CDK13: variants seen among roughly 807,000 people sequenced by gnomAD.
CDK13 encodes cyclin-dependent kinase 13.
Under a neutral mutation model 137.6 loss-of-function variants are expected in CDK13, and 40 were observed. The observed-to-expected ratio is 0.29, with a 90% confidence interval of 0.23 to 0.38. CDK13 has a LOEUF of 0.38. Among genes scored for constraint, CDK13 ranks in the 10% least tolerant of loss-of-function variants. The pLI, the probability that CDK13 is intolerant of heterozygous loss-of-function variation, is 1.00. For synonymous variants in CDK13, 869 were observed against 760.1 expected, an observed-to-expected ratio of 1.14 and a Z score of -2.36; for missense variants, 1,704 against 1,951.8, an observed-to-expected ratio of 0.87 and a Z score of 2.39.
At chr7:39,960,854 C>T (rs917759187) in intron 1 of CDK13, among the ~76,000 whole-genome samples, 8 of 151,932 alleles carry the variant, frequency 5.3e-5, no homozygotes, top group African/African-American at 7.3e-5. Context: ...GGATTACAGG[C>T]GTGAGCCACC....
At chr7:40,036,372 G>C (rs1785483360) in intron 5 of CDK13, among the ~76,000 whole-genome samples, 1 of 152,080 alleles carries the variant, frequency 6.6e-6, no homozygotes, top group Admixed American at 6.6e-5. Context: ...AGGAGTTTGA[G>C]ACCAGCCTGG....
intron 5 of CDK13, among the ~76,000 whole-genome samples, chr7:40,038,896 TGTTA>T (rs1444966818): frequency 3.3e-5 from 5 of 152,180 alleles, no homozygotes; most frequent in African/African-American, 9.6e-5. Context: ...GGTTTCTTCG[TGTTA>T]GTTAGTCTGG....
At position 40,063,242 on chromosome 7, in the gene CDK13, C is replaced by T. The variant is rs1419698167; in HGVS notation, c.2780+142C>T. 4 of 649,798 alleles carry T rather than the reference C, an allele frequency of 6.2e-6. No individual in the cohort carries two copies. In the Admixed American group the frequency reaches 8.6e-5, roughly 14 times the overall value. 40.3% of individuals were successfully genotyped at this position (649,798 alleles called of 1,614,324 possible). On this transcript the variant is annotated intron_variant, in intron 9 of 13. Coordinates refer to ENST00000181839, the MANE Select transcript of CDK13 (RefSeq NM_003718.5). ...TTATGACTGCTAAATGGAGGACAAA[C>T]TGAAATGTAGGCACTTTGATACTTG...
intron 11 of CDK13, among the ~76,000 whole-genome samples, chr7:40,079,342 C>T (rs1205804261): frequency 6.6e-6 from 1 of 152,110 alleles, no homozygotes; most frequent in East Asian, 1.9e-4. Context: ...TCGCTTGAAC[C>T]CGCGAGGCGG....
intron 7 of CDK13, among the ~76,000 whole-genome samples, chr7:40,059,682 T>G (rs1471402324): frequency 6.6e-6 from 1 of 152,210 alleles, no homozygotes; most frequent in Non-Finnish European, 1.5e-5. Flanking sequence ...AGAGGCAAAG[T>G]ATTGGAATCT....
intron 5 of CDK13, among the ~76,000 whole-genome samples, chr7:40,028,828 A>C (rs1234738108): frequency 2.0e-5 from 3 of 151,572 alleles, no homozygotes; most frequent in African/African-American, 7.3e-5. Flanking sequence ...AATATATATA[A>C]ATATATATAA....
chr7:39,972,091 A>G (rs1784012259), intron 1 of CDK13, among the ~76,000 whole-genome samples: 1 of 152,192 alleles, frequency 6.6e-6, no homozygotes, highest in Admixed American at 6.5e-5. Context: ...CTTCAAAAAT[A>G]CATATCAAGG....
intron 5 of CDK13, among the ~76,000 whole-genome samples, chr7:40,009,938 T>A (rs1369124757): frequency 2.0e-5 from 3 of 152,136 alleles, no homozygotes; most frequent in Non-Finnish European, 4.4e-5. Flanking sequence ...TTAGTTTGTG[T>A]GTGTGTATAT....
At chr7:40,088,575 A>G (rs375006281) in intron 12 of CDK13, among the ~76,000 whole-genome samples, 278 of 152,230 alleles carry the variant, frequency 1.8e-3, no homozygotes, top group African/African-American at 6.3e-3. Context: ...GGATTTCTGT[A>G]TTTCCTTTTT....
chr7:40,035,151 T>A (rs1785455274), intron 5 of CDK13, among the ~76,000 whole-genome samples: 1 of 152,244 alleles, frequency 6.6e-6, no homozygotes, highest in Non-Finnish European at 1.5e-5. Context: ...TGAAATTTTA[T>A]GTGGCATGTT....
chr7:40,064,110 C>T (rs1011570179), intron 9 of CDK13, among the ~76,000 whole-genome samples: 2 of 151,792 alleles, frequency 1.3e-5, no homozygotes, highest in Non-Finnish European at 2.9e-5. Flanking sequence ...CATGGAGAAA[C>T]CCTGTCTCTA....
chr7:40,024,155 C>A (rs2150499127), intron 5 of CDK13, among the ~76,000 whole-genome samples: 1 of 152,252 alleles, frequency 6.6e-6, no homozygotes, highest in Admixed American at 6.5e-5. Flanking sequence ...TTCCTAGGTA[C>A]TTTGACGTGT....
Position 40,088,894 on chromosome 7 carries a change from A to G in CDK13, c.3235+563A>G, listed in dbSNP as rs147112184. On this transcript the variant is annotated intron_variant, in intron 12 of 13. Coordinates refer to ENST00000181839, the MANE Select transcript of CDK13 (RefSeq NM_003718.5). The stretch of plus-strand genomic sequence containing the variant: ...CAGGAGTTCGAGACTAGCCTGGCCA[A>G]CATCGCGAAACCCCGTCTCTACTAA... Among the ~76,000 whole-genome samples, 349 of 152,218 alleles carry G rather than the reference A, an allele frequency of 2.3e-3. 3 individuals are homozygous for G. Among genetic ancestry groups the G allele is most frequent in the African/African-American group, 8.1e-3 (338 of 41,522 alleles).
At chr7:39,983,335 A>G (rs981838144) in intron 1 of CDK13, among the ~76,000 whole-genome samples, 9 of 152,182 alleles carry the variant, frequency 5.9e-5, no homozygotes, top group African/African-American at 1.7e-4. Flanking sequence ...GTTAGCCAGG[A>G]TGATCTTGAT....
chr7:39,981,407 G>A (rs1233788169), intron 1 of CDK13, among the ~76,000 whole-genome samples: 1 of 151,826 alleles, frequency 6.6e-6, no homozygotes, highest in Non-Finnish European at 1.5e-5. Flanking sequence ...CAAGGAGGTT[G>A]GACCTGCTAC....
chr7:40,054,024 C>T (rs1402903610), intron 7 of CDK13, among the ~76,000 whole-genome samples: 1 of 152,124 alleles, frequency 6.6e-6, no homozygotes, highest in Non-Finnish European at 1.5e-5. Context: ...GGGAGTGCTT[C>T]TCTGGTAAGA....
chr7:39,992,163 G>GGGGTGTGTGTGTGTGT (rs550297232), intron 2 of CDK13, among the ~76,000 whole-genome samples: 23 of 146,406 alleles, frequency 1.6e-4, no homozygotes, highest in East Asian at 4.4e-4. Flanking sequence ...AACTAATGAG[G>GGGGTGTGTGTGTGTGT]GTGTGTGTGT....
At chr7:40,036,147 C>A (rs1364012871) in intron 5 of CDK13, among the ~76,000 whole-genome samples, 1 of 145,578 alleles carries the variant, frequency 6.9e-6, no homozygotes, top group East Asian at 2.0e-4. Flanking sequence ...CAGAGTGAGA[C>A]CCTGTCTCAA....
Position 39,951,179 on chromosome 7 carries a change from A to G in CDK13, c.538A>G (p.Ser180Gly). Reference sequence around the variant, plus strand: ...CGGGGGAACGGGGGGCAGCGGCGGGAGTCCGGCCTCCTCCTCCGGCACCCA... The same window carrying G: ...CGGGGGAACGGGGGGCAGCGGCGGGGGTCCGGCCTCCTCCTCCGGCACCCA... ...AAGGTGGSGG[S>G]PASSSGTQRR... is the part of the protein sequence containing the mutation. Residue 180 changes from serine (S) to glycine (G), a missense_variant, in exon 1 of 14, where the codon AGT (serine) becomes GGT (glycine). Ser to Gly is a moderately conservative substitution (Grantham distance 56). Around this residue, in one of 5 missense-constraint regions of CDK13, gnomAD observed 1,051 missense variants for 931.0 expected, o/e 1.13. Coordinates refer to ENST00000181839, the MANE Select transcript of CDK13 (RefSeq NM_003718.5). The G allele has an allele frequency of 8.0e-7, 1 of 1,244,124 alleles. No individual in the cohort carries two copies. Among genetic ancestry groups the G allele is most frequent in the Non-Finnish European group, 1.0e-6 (1 of 996,110 alleles). 77.1% of individuals were successfully genotyped at this position (1,244,124 alleles called of 1,614,324 possible). A position where few individuals can be genotyped will look rare whatever the true frequency, so the allele number is the denominator to read the frequency against.
Sources: allele counts gnomAD v4.1 joint callset (sites outside exome capture counted in the v4.1 genomes callset), GRCh38; gene constraint gnomAD v4.1.1; regional missense constraint gnomAD v4.1.1; transcripts MANE v1.5; gene names NCBI Gene and HGNC (gene_info 2026-07-23, HGNC 2026-07-21).